The following TRRAP variants were observed in gnomAD, a reference collection of about 807,000 sequenced individuals.
TRRAP encodes the protein transformation/transcription domain associated protein, also known as transformation/transcription domain-associated protein.
TRRAP carries 41 observed loss-of-function variants against 438.8 expected under a neutral mutation model. That is an observed-to-expected ratio of 0.09 (90% CI 0.07 to 0.12). TRRAP has a LOEUF of 0.12. TRRAP is among the 10% of genes least tolerant of loss of function. TRRAP has a pLI of 1.00. For synonymous variants in TRRAP, 1,994 were observed against 1,962.9 expected (o/e 1.02, Z -0.42); for missense variants, 3,122 against 5,055.1 (o/e 0.62, Z 11.60).
chr7:98,967,097 A>G lies in TRRAP; in HGVS notation c.7233A>G (p.Glu2411=), dbSNP rs753991882. Residue 2411 remains glutamate, a synonymous_variant, in exon 50 of 73, where the codon GAA becomes GAG. Coordinates refer to ENST00000456197, the MANE Select transcript of TRRAP (RefSeq NM_001375524.1). ...ILLVKMMTYI[E]KRFPEDLELN... ...TTGTGAAGATGATGACTTACATAGAAAAACGCTTTCCGGAAGACCTTGAAT... is the reference window on the plus strand; with the variant it reads ...TTGTGAAGATGATGACTTACATAGAGAAACGCTTTCCGGAAGACCTTGAAT... 1 of 1,614,056 alleles carries G rather than the reference A, an allele frequency of 6.2e-7. No homozygotes were observed. Among genetic ancestry groups the G allele is most frequent in the Non-Finnish European group, 8.5e-7 (1 of 1,180,018 alleles).
Position 98,978,251 on chromosome 7 carries a change from A to G in TRRAP, c.8426A>G (p.Lys2809Arg). Residue 2809 changes from lysine (K) to arginine (R), a missense_variant, in exon 57 of 73, where the codon AAA (lysine) becomes AGA (arginine). Coordinates refer to ENST00000456197, the MANE Select transcript of TRRAP (RefSeq NM_001375524.1). ...GAAAAGGCAATGGATAAAGCCAAAAAAGAACATGAGAGGAGTAACGCCTCC... is the reference window on the plus strand; with the variant it reads ...GAAAAGGCAATGGATAAAGCCAAAAGAGAACATGAGAGGAGTAACGCCTCC... ...SYEKAMDKAK[K>R]EHERSNASPA... 1 of 1,614,172 alleles carries G rather than the reference A, an allele frequency of 6.2e-7. No individual in the cohort carries two copies. The highest frequency in any genetic ancestry group is 1.3e-5 in the African/African-American group (1 of 75,056).
chr7:98,886,283 ATC>A (rs1795689975), intron 3 of TRRAP, among the ~76,000 whole-genome samples: 1 of 151,972 alleles, frequency 6.6e-6, no homozygotes, highest in Non-Finnish European at 1.5e-5. Flanking sequence ...ATATATCTAT[ATC>A]TATATCTATC....
intron 5 of TRRAP, 30 bp downstream of exon 5, chr7:98,892,558 T>G: frequency 6.6e-7 from 1 of 1,504,930 alleles, no homozygotes; most frequent in Non-Finnish European, 9.1e-7. Flanking sequence ...TCTTGTCGTA[T>G]AGCCGTATGT....
chr7:98,945,233 C>T (rs1256147408), intron 31 of TRRAP, among the ~76,000 whole-genome samples: 2 of 152,210 alleles, frequency 1.3e-5, no homozygotes, highest in African/African-American at 4.8e-5. Flanking sequence ...TGCACACATA[C>T]ATGCGTGCAC....
chr7:98,997,483 CAAAAAAAAAAAAAAA>C lies in TRRAP; in HGVS notation c.10309+2650_10309+2664del, dbSNP rs61132070. 1.5e-3 allele frequency among the ~76,000 whole-genome samples: 62 copies of C among 42,634 alleles called. 1 individual carries two copies. The South Asian group carries it at 0.063, about 44-fold the overall frequency. The allele number at this position is 42,634 out of a possible 152,430, so 28.0% of individuals were successfully genotyped here. On this transcript the variant is annotated intron_variant, in intron 67 of 72. Coordinates refer to ENST00000456197, the MANE Select transcript of TRRAP (RefSeq NM_001375524.1). The stretch of plus-strand genomic sequence containing the variant: ...ATTATCACCCAAAACACTGCTGTTG[CAAAAAAAAAAAAAAA>C]AAAAAAAAAAAAAATTAGAGTAGGA...
In TRRAP at chr7:98,881,751, TTGTG is replaced by T. The variant is rs139382203; in HGVS notation, c.101-214_101-211del. 2.7e-5 allele frequency: 13 copies of T among 477,798 alleles called. No individual in the cohort carries two copies. The East Asian group carries it at 3.5e-4, about 13-fold the overall frequency. 29.6% of individuals were successfully genotyped at this position (477,798 alleles called of 1,614,324 possible). A position where few individuals can be genotyped will look rare whatever the true frequency, so the allele number is the denominator to read the frequency against. ...GCCCCAAAGAGGCACGTGTGTGTGT[TTGTG>T]TGTGTGTGTATATGCTTGTCAGTGC... is the stretch of plus-strand genomic sequence containing the variant. On this transcript the variant is annotated intron_variant, in intron 2 of 72. Transcript: ENST00000456197.
At chr7:99,009,589 G>A (rs866466029) in intron 70 of TRRAP, among the ~76,000 whole-genome samples, 9 of 152,344 alleles carry the variant, frequency 5.9e-5, no homozygotes, top group African/African-American at 7.2e-5. Context: ...CCATGGCCTG[G>A]TCATTCTGTG....
At chr7:98,916,861 C>G (rs1477620874) in intron 19 of TRRAP, among the ~76,000 whole-genome samples, 1 of 152,128 alleles carries the variant, frequency 6.6e-6, no homozygotes, top group African/African-American at 2.4e-5. Context: ...CTTCTCTTCT[C>G]CCTGAGTTCT....
intron 31 of TRRAP, among the ~76,000 whole-genome samples, chr7:98,945,297 C>A (rs2116586882): frequency 6.6e-6 from 1 of 152,346 alleles, no homozygotes; most frequent in East Asian, 1.9e-4. Flanking sequence ...TACATGATAA[C>A]CCAGCTGTCC....
intron 51 of TRRAP, among the ~76,000 whole-genome samples, chr7:98,968,123 A>G (rs984101723): frequency 4.6e-5 from 7 of 151,928 alleles, no homozygotes; most frequent in Admixed American, 4.6e-4. Flanking sequence ...GGTTTAAGCA[A>G]TTGTTGTGCC....
chr7:98,970,126 G>T lies in TRRAP; in HGVS notation c.7527G>T (p.Val2509=). The change falls in exon 52 of 73, where the codon GTG becomes GTT. Residue 2509 remains valine, a synonymous_variant. Transcript: ENST00000456197. ...IKQCIELLLA[V]CEKSTPIGTS... ...ACCCCTTGCAGCTGCTTCTGGCCGT[G>T]TGTGAGAAGAGCACCCCCATTGGCA... 1 of 1,613,858 alleles carries T rather than the reference G, an allele frequency of 6.2e-7. No homozygotes were observed. Among genetic ancestry groups the T allele is most frequent in the Non-Finnish European group, 8.5e-7 (1 of 1,179,982 alleles).
rs923188741 is a variant in TRRAP, at chr7:98,931,788, T to C, written c.3852+123T>C. On this transcript the variant is annotated intron_variant, in intron 26 of 72. Coordinates refer to ENST00000456197, the MANE Select transcript of TRRAP (RefSeq NM_001375524.1). ...GTCTTGGTATCTGTGGGGCCTTGGT[T>C]CCAGGACCCTGCGTGGGTACCAAAA... 6 of 1,351,258 alleles carry C rather than the reference T, an allele frequency of 4.4e-6. No homozygotes were observed. In the African/African-American group the frequency reaches 5.8e-5, roughly 13 times the overall value. 83.7% of individuals were successfully genotyped at this position (1,351,258 alleles called of 1,614,324 possible).
chr7:98,961,406 A>T lies in TRRAP; in HGVS notation c.6635A>T (p.Asn2212Ile). Residue 2212 changes from asparagine (N) to isoleucine (I), a missense_variant, in exon 46 of 73, where the codon AAC becomes ATC. Transcript: ENST00000456197. ...RGIAACMTCG[N>I]TKVLRAVHSL... ...ATTGCCGCCTGCATGACATGTGGAA[A>T]CACCAAGGTGTTGCGAGCCGTCCAC... 3.1e-6 allele frequency: 5 copies of T among 1,614,172 alleles called. No homozygotes were observed. Among genetic ancestry groups the T allele is most frequent in the Non-Finnish European group, 2.5e-6 (3 of 1,180,032 alleles).
intron 62 of TRRAP, among the ~76,000 whole-genome samples, chr7:98,988,451 A>C (rs1171797722): frequency 6.6e-6 from 1 of 152,260 alleles, no homozygotes; most frequent in Non-Finnish European, 1.5e-5. Flanking sequence ...GCACTGACAC[A>C]GGCTTCAACA....
Position 98,927,159 on chromosome 7 carries a change from C to T in TRRAP, c.2976-8C>T. On this transcript the variant is annotated splice_polypyrimidine_tract_variant and splice_region_variant and intron_variant, in intron 22 of 72. Coordinates refer to ENST00000456197, the MANE Select transcript of TRRAP (RefSeq NM_001375524.1). ...TGTCGTGACACCAGATCTGATTTTG[C>T]CTTTCAGCTTTACAGAAAAGACCAT... 2 of 1,614,198 alleles carry T rather than the reference C, an allele frequency of 1.2e-6. No individual in the cohort carries two copies. The highest frequency in any genetic ancestry group is 1.7e-6 in the Non-Finnish European group (2 of 1,180,032).
At chr7:98,961,138 GT>G (rs951796146) in intron 45 of TRRAP, 122 bp from the exon 46 acceptor site, 7 of 854,838 alleles carry the variant, frequency 8.2e-6, no homozygotes, top group East Asian at 2.4e-5. Context: ...TTCTCTAGTG[GT>G]TTTTTTTACT....
At chr7:99,004,445 A>T in intron 68 of TRRAP, 30 bp downstream of exon 68, 1 of 1,597,924 alleles carries the variant, frequency 6.3e-7, no homozygotes, top group Non-Finnish European at 8.6e-7. Flanking sequence ...AGGTGGAACT[A>T]ACCCACGGCG....
intron 4 of TRRAP, among the ~76,000 whole-genome samples, 158 bp from the exon 5 acceptor site, chr7:98,892,266 C>T (rs1464037808): frequency 6.6e-6 from 1 of 152,160 alleles, no homozygotes; most frequent in Non-Finnish European, 1.5e-5. Context: ...TAAGTAGTTT[C>T]TAGGACTGCT....
chr7:99,007,886 C>T (rs183336552), intron 69 of TRRAP, among the ~76,000 whole-genome samples: 51 of 148,186 alleles, frequency 3.4e-4, no homozygotes, highest in African/African-American at 1.3e-3. Context: ...AGTGCTGTGG[C>T]GTGATCTCGG....
Sources: allele counts gnomAD v4.1 joint callset (sites outside exome capture counted in the v4.1 genomes callset), GRCh38; gene constraint gnomAD v4.1.1; transcripts MANE v1.5; gene names NCBI Gene and HGNC (gene_info 2026-07-23, HGNC 2026-07-21).